The following AGRN variants were observed in gnomAD, a reference collection of about 807,000 sequenced individuals.
AGRN encodes agrin proteoglycan.
A neutral mutation model predicts 211.0 loss-of-function variants in AGRN; 106 were observed. The ratio of observed to expected loss-of-function variants is 0.50; its 90% confidence interval spans 0.43 to 0.59. The LOEUF (loss-of-function observed/expected upper bound fraction) is 0.59, where lower values mean the gene tolerates loss of function less well. Among genes scored for constraint, AGRN ranks in the 20% least tolerant of loss-of-function variants. The pLI is 0.00. For missense variants in AGRN, 3,040 were observed against 2,982.6 expected (o/e 1.02, Z -0.45); for synonymous variants, 1,525 against 1,332.5 (o/e 1.14, Z -3.15).
chr1:1,050,056 T>A lies in AGRN; in HGVS notation c.4879+19T>A, dbSNP rs774521431. 3.0e-6 allele frequency: 2 copies of A among 673,132 alleles called. No homozygotes were observed. The highest frequency in any genetic ancestry group is 4.7e-6 in the Non-Finnish European group (2 of 425,588). 41.7% of individuals were successfully genotyped at this position (673,132 alleles called of 1,614,324 possible). On this transcript the variant is annotated intron_variant, in intron 27 of 35. Coordinates refer to ENST00000379370, the MANE Select transcript of AGRN (RefSeq NM_198576.4). ...CAGACAGGTCGGGGGCGTGGGGCTC[T>A]CGGGGCAGGGGGGGGGGGGGGGTTG... is the stretch of plus-strand genomic sequence containing the variant.
Position 1,041,441 on chromosome 1 carries a change from C to T in AGRN, c.953-37C>T. 1.0e-5 allele frequency: 16 copies of T among 1,557,514 alleles called. 1 individual carries two copies. In the Middle Eastern group the frequency reaches 6.7e-4, roughly 65 times the overall value. On this transcript the variant is annotated intron_variant, in intron 5 of 35. Coordinates refer to ENST00000379370, the MANE Select transcript of AGRN (RefSeq NM_198576.4). The stretch of plus-strand genomic sequence containing the variant: ...GCACGGCTCGAGCTCTGTGGGCGCG[C>T]GGCGACAGCGTCCTGACTCCTGCCC...
chr1:1,040,872 G>T lies in AGRN; in HGVS notation c.719G>T (p.Gly240Val). 6.6e-7 allele frequency: 1 copy of T among 1,517,162 alleles called. No individual in the cohort carries two copies. The highest frequency in any genetic ancestry group is 8.8e-7 in the Non-Finnish European group (1 of 1,140,238). The allele number at this position is 1,517,162 out of a possible 1,614,324, so 94.0% of individuals were successfully genotyped here. A position where few individuals can be genotyped will look rare whatever the true frequency, so the allele number is the denominator to read the frequency against. The change falls in exon 4 of 36, where the codon GGG (glycine) becomes GTG (valine). Residue 240 changes from glycine (G) to valine (V), a missense_variant. Gly to Val is a moderately radical substitution (Grantham distance 109, BLOSUM62 -3). Around this residue, in one of 3 missense-constraint regions of AGRN, gnomAD observed 1,498 missense variants for 1,457.8 expected, o/e 1.03. Coordinates refer to ENST00000379370, the MANE Select transcript of AGRN (RefSeq NM_198576.4). ...CGCCGCATCCGCCTGCTCAGCCGCG[G>T]GCCGTGCGGTGAGCGGGGCGGGGCC... ...QQRRIRLLSR[G>V]PCGSRDPCSN...
intron 19 of AGRN, 33 bp downstream of exon 19, chr1:1,046,990 G>A (rs775944056): frequency 5.8e-6 from 9 of 1,561,796 alleles, no homozygotes; most frequent in Non-Finnish European, 7.8e-6. Flanking sequence ...GGAGTGTGAG[G>A]ATAGCCTGGG....
At chr1:1,040,029 C>T (rs1483830955) in intron 3 of AGRN, among the ~76,000 whole-genome samples, 1 of 152,162 alleles carries the variant, frequency 6.6e-6, no homozygotes, top group Admixed American at 6.5e-5. Flanking sequence ...GCGCAGGGAG[C>T]GGTCAGGGAG....
In AGRN at chr1:1,022,448, A is replaced by C. The variant is rs149363091; in HGVS notation, c.449A>C (p.Glu150Ala). The change falls in exon 2 of 36, where the codon GAG (glutamate) becomes GCG (alanine). Residue 150 changes from glutamate to alanine, a missense_variant. Coordinates refer to ENST00000379370, the MANE Select transcript of AGRN (RefSeq NM_198576.4). The part of the protein sequence containing the change: ...RITLRNLEEV[E>A]FCVEDKPGTH... ...ACCCTGCGGAACCTGGAGGAGGTGG[A>C]GTTCTGTGTGGAAGGTGCGTGGTGG... The C allele has an allele frequency of 5.0e-6, 8 of 1,609,926 alleles. No homozygotes were observed. The African/African-American group carries it at 9.4e-5, about 19-fold the overall frequency.
chr1:1,035,806 C>T (rs575485201), intron 3 of AGRN, among the ~76,000 whole-genome samples: 29 of 151,474 alleles, frequency 1.9e-4, no homozygotes, highest in African/African-American at 5.1e-4. Flanking sequence ...TGGAGGGCGG[C>T]AGTCTGTCCC....
rs746746041 is a variant in AGRN, at chr1:1,048,229, C to T, written c.3969C>T (p.Pro1323=). The T allele has an allele frequency of 1.3e-6, 2 of 1,546,374 alleles. No homozygotes were observed. Among genetic ancestry groups the T allele is most frequent in the Non-Finnish European group, 1.7e-6 (2 of 1,145,196 alleles). Reference sequence around the variant, plus strand: ...CCAGCCGTGTGCCCGGACGTCGGCCCCCGGCCCCCCAGCAGCCTCCAAAGC... The same window carrying T: ...CCAGCCGTGTGCCCGGACGTCGGCCTCCGGCCCCCCAGCAGCCTCCAAAGC... ...TAPSRVPGRR[P]PAPQQPPKPC... Residue 1323 remains proline (P), a synonymous_variant, in exon 23 of 36, where the codon CCC becomes CCT. Coordinates refer to ENST00000379370, the MANE Select transcript of AGRN (RefSeq NM_198576.4). The surrounding 1 kb of genome is among the most constrained non-coding windows in gnomAD (Gnocchi z 5.9).
intron 2 of AGRN, among the ~76,000 whole-genome samples, chr1:1,027,013 GC>G (rs1014599395): frequency 6.6e-6 from 1 of 152,098 alleles, no homozygotes; most frequent in Non-Finnish European, 1.5e-5. Flanking sequence ...ACTGAGGGAA[GC>G]CCCCCCGAAG....
chr1:1,046,368 TC>T, intron 17 of AGRN, 28 bp from the exon 18 acceptor site: 2 of 1,596,950 alleles, frequency 1.3e-6, no homozygotes, highest in Non-Finnish European at 1.7e-6. Context: ...TCCCAACCGG[TC>T]CCCCCGCCAA....
Position 1,044,136 on chromosome 1 carries a change from C to G in AGRN, c.2027C>G (p.Ser676Cys), listed in dbSNP as rs762248109. 2.5e-6 allele frequency: 4 copies of G among 1,613,252 alleles called. No individual in the cohort carries two copies. Among genetic ancestry groups the G allele is most frequent in the Non-Finnish European group, 3.4e-6 (4 of 1,179,940 alleles). The change falls in exon 11 of 36, where the codon TCT becomes TGT. Residue 676 changes from serine to cysteine, a missense_variant. This residue lies in a region of AGRN where 1,498 missense variants were observed against 1,457.8 expected (regional missense o/e 1.03). Coordinates refer to ENST00000379370, the MANE Select transcript of AGRN (RefSeq NM_198576.4). The part of the protein sequence containing the change: ...QAECGSGGSG[S>C]GEDGDCEQEL... ...GAGTGCGGTTCCGGAGGCTCTGGCT[C>G]TGGGGAGGACGGTGACTGTGAGCAG...
rs201212251 is a variant in AGRN, at chr1:1,049,585, G to A, written c.4534G>A (p.Val1512Met). ...QAAVALERTFVGAGLRGCIRL... is the reference protein window; with the variant it reads ...QAAVALERTFMGAGLRGCIRL... ...TGGCAGGGCGCTGGAGCGGACCTTC[G>A]TGGGCGCCGGCCTGAGGGGGTGCAT... The change falls in exon 26 of 36, where the codon GTG becomes ATG. Residue 1512 changes from valine (V) to methionine (M), a missense_variant. Physicochemically the swap from Val to Met is conservative, Grantham distance 21. Around this residue, in one of 3 missense-constraint regions of AGRN, gnomAD observed 1,537 missense variants for 1,505.0 expected, o/e 1.02. Coordinates refer to ENST00000379370, the MANE Select transcript of AGRN (RefSeq NM_198576.4). 78 of 1,590,284 alleles carry A rather than the reference G, an allele frequency of 4.9e-5. 1 individual carries two copies. The African/African-American group carries it at 6.7e-4, about 14-fold the overall frequency.
In AGRN at chr1:1,045,199, C is replaced by A; in HGVS notation, c.2293C>A (p.His765Asn). 6.2e-7 allele frequency: 1 copy of A among 1,612,752 alleles called. No homozygotes were observed. The highest frequency in any genetic ancestry group is 8.5e-7 in the Non-Finnish European group (1 of 1,179,982). ...CCCGCTGCCGCCTGTGGCCCCCTTA[C>A]ACTGTGCCCAGACGCCCTACGGCTG... is the stretch of plus-strand genomic sequence containing the variant. ...FAPLPPVAPL[H>N]CAQTPYGCCQ... Residue 765 changes from histidine to asparagine, a missense_variant, in exon 13 of 36, where the codon CAC (histidine) becomes AAC (asparagine). His to Asn is a moderately conservative substitution (Grantham distance 68). Around this residue, in one of 3 missense-constraint regions of AGRN, gnomAD observed 1,498 missense variants for 1,457.8 expected, o/e 1.03. Coordinates refer to ENST00000379370, the MANE Select transcript of AGRN (RefSeq NM_198576.4).
chr1:1,046,545 C>T lies in AGRN; in HGVS notation c.3060C>T (p.Pro1020=). The T allele has an allele frequency of 6.2e-7, 1 of 1,610,722 alleles. No homozygotes were observed. The highest frequency in any genetic ancestry group is 1.1e-5 in the South Asian group (1 of 91,028). The change falls in exon 18 of 36, where the codon CCC becomes CCT. Residue 1020 remains proline (P), a synonymous_variant. Coordinates refer to ENST00000379370, the MANE Select transcript of AGRN (RefSeq NM_198576.4). ...STAHSQTTPP[P]SSRPRTTASV... The stretch of plus-strand genomic sequence containing the variant: ...CACACAGCCAGACCACCCCTCCGCC[C>T]TCATCACGACCTCGGACCACTGCCA...
Position 1,044,202 on chromosome 1 carries a change from CG to C in AGRN, c.2095del (p.Glu699ArgfsTer33). On this transcript the variant is annotated frameshift_variant, in exon 11 of 36. Coordinates refer to ENST00000379370, the MANE Select transcript of AGRN (RefSeq NM_198576.4). LOFTEE classifies it high-confidence loss of function. ...CGCGGTGGCATCTGGGACGAGGACT[CG>C]GAGGACGGGCCGTGTGTCTGTGACT... is the stretch of plus-strand genomic sequence containing the variant. The part of the protein sequence containing the change: ...RQRGGIWDED[S>X]EDGPCVCDFS... 1 of 1,613,058 alleles carries C rather than the reference CG, an allele frequency of 6.2e-7. No individual in the cohort carries two copies. Among genetic ancestry groups the C allele is most frequent in the Non-Finnish European group, 8.5e-7 (1 of 1,179,900 alleles).
In AGRN at chr1:1,041,626, CTG is replaced by C. The variant is rs2100635414; in HGVS notation, c.1105_1106del (p.Val369HisfsTer53). The C allele has an allele frequency of 1.2e-6, 2 of 1,611,470 alleles. No individual in the cohort carries two copies. Among genetic ancestry groups the C allele is most frequent in the Non-Finnish European group, 1.7e-6 (2 of 1,179,248 alleles). ...ACGACGGAGTCACCTACGAAAACGA[CTG>C]TGTCATGGGCCGATCGGGGGCCGCC... ...GDDGVTYEND[C>X]VMGRSGAARG... On this transcript the variant is annotated frameshift_variant, in exon 6 of 36. Transcript: ENST00000379370. LOFTEE classifies it high-confidence loss of function.
rs960428048 is a variant in AGRN at position 1,051,438 on chromosome 1, C to T, written c.5371-15C>T. 4.0e-5 allele frequency: 62 copies of T among 1,547,564 alleles called. No individual in the cohort carries two copies. Among genetic ancestry groups the T allele is most frequent in the Non-Finnish European group, 5.0e-5 (57 of 1,151,192 alleles). ...GGGGTGGCAGGCGGGACAAGGCCCT[C>T]ACCCTGCCCTGCAGGTCTCCCTCGG... On this transcript the variant is annotated splice_polypyrimidine_tract_variant and intron_variant, in intron 31 of 35. Coordinates refer to ENST00000379370, the MANE Select transcript of AGRN (RefSeq NM_198576.4).
Position 1,047,819 on chromosome 1 carries a change from G to A in AGRN, c.3675G>A (p.Arg1225=). 1.2e-6 allele frequency: 2 copies of A among 1,603,266 alleles called. No homozygotes were observed. Among genetic ancestry groups the A allele is most frequent in the Non-Finnish European group, 1.7e-6 (2 of 1,175,574 alleles). ...RAPDVARALL[R]QIQVSRRRSL... Reference sequence around the variant, plus strand: ...CCGACGTGGCCCGGGCCCTGCTCCGGCAGATCCAGGTGTCCAGGCGCCGGT... The same window carrying A: ...CCGACGTGGCCCGGGCCCTGCTCCGACAGATCCAGGTGTCCAGGCGCCGGT... The change falls in exon 22 of 36, where the codon CGG becomes CGA. Residue 1225 remains arginine (R), a synonymous_variant. Transcript: ENST00000379370.
rs141886688 is a variant in AGRN, at chr1:1,045,243, C to T, written c.2337C>T (p.Thr779=). 113 of 1,611,864 alleles carry T rather than the reference C, an allele frequency of 7.0e-5. No homozygotes were observed. Among genetic ancestry groups the T allele is most frequent in the African/African-American group, 5.9e-4 (44 of 74,926 alleles). ...TPYGCCQDNI[T]AARGVGLAGC... is the part of the protein sequence containing the mutation. ...ACGGCTGCTGCCAGGACAATATCAC[C>T]GCAGCCCGGGGCGTGGGCCTGGCTG... Residue 779 remains threonine, a synonymous_variant, in exon 13 of 36, where the codon ACC becomes ACT. Transcript: ENST00000379370.
Position 1,054,585 on chromosome 1 carries a change from CA to C in AGRN, c.5980+36del, listed in dbSNP as rs528850082. The C allele has an allele frequency of 6.4e-5, 100 of 1,557,788 alleles. No homozygotes were observed. The African/African-American group carries it at 1.3e-3, about 20-fold the overall frequency. ...TTTGGGGAGACTAGAGAGGGATGCC[CA>C]AGGGTCTCATGATATCCGAGGGACA... is the stretch of plus-strand genomic sequence containing the variant. On this transcript the variant is annotated intron_variant, in intron 35 of 35. Transcript: ENST00000379370.
Sources: gnomAD v4.1 joint callset for allele counts (sites outside exome capture counted in the v4.1 genomes callset) on GRCh38, gnomAD v4.1.1 for gene constraint, gnomAD v4.1.1 regional missense constraint, Gnocchi (gnomAD v3.1) non-coding constraint, MANE v1.5 for transcripts, NCBI Gene and HGNC (gene_info 2026-07-23, HGNC 2026-07-21) for gene names.